The following QSER1 variants were observed in gnomAD, a reference collection of about 807,000 sequenced individuals.
The protein encoded by QSER1 is glutamine and serine-rich protein 1.
Under a neutral mutation model 158.5 loss-of-function variants are expected in QSER1, and 49 were observed. The ratio of observed to expected loss-of-function variants is 0.31; its 90% CI spans 0.25 to 0.39. QSER1 has a LOEUF of 0.39. QSER1 is among the 10% of genes least tolerant of loss of function. The pLI is 1.00. For synonymous variants in QSER1, 650 were observed against 715.5 expected (o/e 0.91, Z 1.46); for missense variants, 1,754 against 2,010.3 (o/e 0.87, Z 2.44).
At position 32,958,149 on chromosome 11, in the gene QSER1, C is replaced by T; in HGVS notation, c.4969+63C>T. 4.0e-6 allele frequency: 5 copies of T among 1,252,398 alleles called. No individual in the cohort carries two copies. In the South Asian group the frequency reaches 6.4e-5, roughly 16 times the overall value. The allele number at this position is 1,252,398 out of a possible 1,614,324, so 77.6% of individuals were successfully genotyped here. On this transcript the variant is annotated intron_variant, in intron 8 of 12. Coordinates refer to ENST00000650167, the MANE Select transcript of QSER1 (RefSeq NM_001076786.3). ...GATTATCTACATGAGTGGTGAGGAGCAGGATGCTGACAATTCAAAATGTAT... is the reference window on the plus strand; with the variant it reads ...GATTATCTACATGAGTGGTGAGGAGTAGGATGCTGACAATTCAAAATGTAT...
At chr11:32,969,174 C>G (rs1852804816) in intron 10 of QSER1, 31 bp downstream of exon 10, 1 of 1,237,694 alleles carries the variant, frequency 8.1e-7, no homozygotes. Flanking sequence ...ATTAGCAAAA[C>G]TCAATGGCAG....
intron 4 of QSER1, among the ~76,000 whole-genome samples, chr11:32,948,721 A>T (rs922073450): frequency 2.6e-5 from 4 of 152,242 alleles, no homozygotes; most frequent in Non-Finnish European, 5.9e-5. Flanking sequence ...TCCCTCTACT[A>T]GAAGTTATAC....
At chr11:32,923,009 T>C (rs909016822) in intron 1 of QSER1, among the ~76,000 whole-genome samples, 22 of 152,314 alleles carry the variant, frequency 1.4e-4, no homozygotes, top group African/African-American at 4.8e-4. Flanking sequence ...CACATGTGTA[T>C]AGCAGCTATA....
At position 32,977,826 on chromosome 11, in the gene QSER1, AATC is replaced by A. The variant is rs1278577631; in HGVS notation, c.*1359_*1361del. 6.6e-6 allele frequency: 1 copy of A among 152,642 alleles called. No individual in the cohort carries two copies. Among genetic ancestry groups the A allele is most frequent in the East Asian group, 1.9e-4 (1 of 5,200 alleles). The allele number at this position is 152,642 out of a possible 1,614,324, so 9.5% of individuals were successfully genotyped here. A position where few individuals can be genotyped will look rare whatever the true frequency, so the allele number is the denominator to read the frequency against. ...CCTTTTTTAGGATTCTAAAGAAGTT[AATC>A]ATCATCCTTTTGTTTATTTTACCAC... On this transcript the variant is annotated 3_prime_UTR_variant, in exon 13 of 13. Coordinates refer to ENST00000650167, the MANE Select transcript of QSER1 (RefSeq NM_001076786.3).
chr11:32,943,290 G>T (rs1055140035), intron 4 of QSER1, among the ~76,000 whole-genome samples: 2 of 148,202 alleles, frequency 1.3e-5, no homozygotes, highest in Non-Finnish European at 1.5e-5. Flanking sequence ...AGTGGTGAGA[G>T]AGGGCATCCC....
At chr11:32,919,355 C>T (rs534271619) in intron 1 of QSER1, among the ~76,000 whole-genome samples, 83 of 152,296 alleles carry the variant, frequency 5.4e-4, no homozygotes, top group African/African-American at 1.9e-3. Flanking sequence ...ACTTCTCTGG[C>T]CTCAACCTCT....
intron 1 of QSER1, among the ~76,000 whole-genome samples, chr11:32,894,513 T>C (rs1350278968): frequency 1.3e-5 from 2 of 152,220 alleles, no homozygotes; most frequent in African/African-American, 4.8e-5. Flanking sequence ...AGTGAACTTT[T>C]GTTTTAAGTT....
intron 4 of QSER1, among the ~76,000 whole-genome samples, chr11:32,936,101 C>A (rs1054076775): frequency 2.0e-5 from 3 of 152,016 alleles, no homozygotes; most frequent in African/African-American, 7.3e-5. Flanking sequence ...AGGTTAGTTA[C>A]ATATGTATAC....
rs1564947240 is a variant in QSER1 at position 32,966,282 on chromosome 11, A to C, written c.4970-18A>C. 2 of 1,607,282 alleles carry C rather than the reference A, an allele frequency of 1.2e-6. No homozygotes were observed. The highest frequency in any genetic ancestry group is 1.7e-6 in the Non-Finnish European group (2 of 1,178,016). On this transcript the variant is annotated intron_variant, in intron 8 of 12. Transcript: ENST00000650167. Reference sequence around the variant, plus strand: ...GTCAGGAAGGAAAATTTAATATTTAACCCTTTCTCCCTCCCAGAATTTGAA... The same window carrying C: ...GTCAGGAAGGAAAATTTAATATTTACCCCTTTCTCCCTCCCAGAATTTGAA...
In QSER1 at chr11:32,934,241, CCTA is replaced by C. The variant is rs761064368; in HGVS notation, c.2986_2988del (p.Thr996del). 9.9e-6 allele frequency: 16 copies of C among 1,613,860 alleles called. No individual in the cohort carries two copies. The South Asian group carries it at 1.8e-4, about 18-fold the overall frequency. The stretch of plus-strand genomic sequence containing the variant: ...TACAGCAGCAGCTTGTGGAGTTACA[CCTA>C]CTGATTTTTCCAAGTCAACTTCAAA... On this transcript the variant is annotated inframe_deletion, in exon 4 of 13. Coordinates refer to ENST00000650167, the MANE Select transcript of QSER1 (RefSeq NM_001076786.3).
At chr11:32,907,826 G>A (rs1353960211) in intron 1 of QSER1, among the ~76,000 whole-genome samples, 4 of 152,164 alleles carry the variant, frequency 2.6e-5, no homozygotes, top group African/African-American at 7.2e-5. Context: ...GGCTGGGCAC[G>A]GTGGCTCATG....
In QSER1 at chr11:32,898,855, G is replaced by A. The variant is rs141203863; in HGVS notation, c.209+5521G>A. Among the ~76,000 whole-genome samples, 382 of 152,260 alleles carry A rather than the reference G, an allele frequency of 2.5e-3. 3 individuals carry two copies. Among genetic ancestry groups the A allele is most frequent in the African/African-American group, 9.0e-3 (373 of 41,554 alleles). On this transcript the variant is annotated intron_variant, in intron 1 of 12. Coordinates refer to ENST00000650167, the MANE Select transcript of QSER1 (RefSeq NM_001076786.3). ...TCTCAGGCGTGAGCCACCATGCCTC[G>A]CACTGGCCTGTATTAAATTCTTTGA...
At chr11:32,957,121 TTTC>T in intron 7 of QSER1, among the ~76,000 whole-genome samples, 1 of 149,636 alleles carries the variant, frequency 6.7e-6, no homozygotes, top group Non-Finnish European at 1.5e-5. Flanking sequence ...TTTTCTTTTT[TTTC>T]TTTTTTTTTC....
chr11:32,911,717 C>CT (rs1301484363), intron 1 of QSER1, among the ~76,000 whole-genome samples: 10 of 152,240 alleles, frequency 6.6e-5, no homozygotes, highest in Non-Finnish European at 4.4e-5. Context: ...CTTGCTTCCC[C>CT]TTCACCTTCT....
chr11:32,973,971 A>T (rs193238128), intron 11 of QSER1, among the ~76,000 whole-genome samples: 4 of 152,212 alleles, frequency 2.6e-5, no homozygotes, highest in Non-Finnish European at 5.9e-5. Flanking sequence ...ATGCACATAG[A>T]TAAGTAAGTG....
intron 2 of QSER1, 113 bp downstream of exon 2, chr11:32,927,382 G>C (rs1438409016): frequency 6.6e-6 from 1 of 152,582 alleles, no homozygotes; most frequent in East Asian, 1.9e-4. Context: ...TCATGCCATG[G>C]GAAATGAAAT....
chr11:32,976,493 AT>A lies in QSER1; in HGVS notation c.*20del, dbSNP rs2133620081. 1.2e-6 allele frequency: 2 copies of A among 1,609,992 alleles called. No homozygotes were observed. Among genetic ancestry groups the A allele is most frequent in the Non-Finnish European group, 1.7e-6 (2 of 1,178,394 alleles). The stretch of plus-strand genomic sequence containing the variant: ...TTCCTGACTTTTCCACAAAAATCCC[AT>A]CTTTTTATAGCACTAATGAAATGGC... On this transcript the variant is annotated 3_prime_UTR_variant, in exon 13 of 13. Transcript: ENST00000650167.
At chr11:32,901,756 T>C (rs1049208891) in intron 1 of QSER1, among the ~76,000 whole-genome samples, 7 of 152,166 alleles carry the variant, frequency 4.6e-5, no homozygotes, top group African/African-American at 1.7e-4. Flanking sequence ...GGGCTTCTGA[T>C]GACAGATCAT....
At chr11:32,920,485 T>TATCAAAAGC (rs1851886563) in intron 1 of QSER1, among the ~76,000 whole-genome samples, 1 of 152,212 alleles carries the variant, frequency 6.6e-6, no homozygotes, top group Non-Finnish European at 1.5e-5. Context: ...TTAGATATGC[T>TATCAAAAGC]ATCAAAAGCA....
Sources: gnomAD v4.1 joint callset for allele counts (sites outside exome capture counted in the v4.1 genomes callset) on GRCh38, gnomAD v4.1.1 for gene constraint, MANE v1.5 for transcripts, NCBI Gene and HGNC (gene_info 2026-07-23, HGNC 2026-07-21) for gene names.